The following ACOT2 variants were observed in gnomAD, a reference collection of about 807,000 sequenced individuals.
The protein encoded by ACOT2 is acyl-CoA thioesterase 2.
A neutral mutation model predicts 20.1 loss-of-function variants in ACOT2; 15 were observed. That is an observed-to-expected ratio of 0.75 (90% CI 0.50 to 1.15). The LOEUF (loss-of-function observed/expected upper bound fraction) is 1.15. ACOT2 is among the 50% of genes most tolerant of loss of function. The pLI, the probability that ACOT2 is intolerant of heterozygous loss-of-function variation, is 0.00. For missense variants in ACOT2, 479 were observed against 615.3 expected (o/e 0.78, Z 2.34); for synonymous variants, 252 against 268.4 (o/e 0.94, Z 0.60).
chr14:73,569,960 TTA>T (rs1889687415), intron 1 of ACOT2, 77 bp downstream of exon 1: 1 of 1,496,124 alleles, frequency 6.7e-7, no homozygotes, highest in East Asian at 2.5e-5. Context: ...CGCTTTTCGC[TTA>T]TGTGTATGCC....
chr14:73,569,550 A>G lies in ACOT2; in HGVS notation c.310A>G (p.Lys104Glu), dbSNP rs1218932131. Residue 104 changes from lysine (K) to glutamate (E), a missense_variant, in exon 1 of 3, where the codon AAG becomes GAG. By Grantham distance (56) the Lys-to-Glu change is moderately conservative. Coordinates refer to ENST00000238651, the MANE Select transcript of ACOT2 (RefSeq NM_006821.6). ...GCTGCGCGCGTCCCTGCGCGACGAG[A>G]AGGGCGCGCTTTTCCAGGCCCACGC... ...VTLRASLRDE[K>E]GALFQAHARY... is the part of the protein sequence containing the mutation. The G allele has an allele frequency of 2.5e-6, 4 of 1,604,040 alleles. No individual in the cohort carries two copies. The highest frequency in any genetic ancestry group is 3.4e-6 in the Non-Finnish European group (4 of 1,176,144).
chr14:73,569,712 C>A lies in ACOT2; in HGVS notation c.472C>A (p.Arg158Ser). The A allele has an allele frequency of 3.1e-6, 5 of 1,609,092 alleles. No homozygotes were observed. The highest frequency in any genetic ancestry group is 3.4e-6 in the Non-Finnish European group (4 of 1,178,794). ...PEKPLVRLVK[R>S]DVRTPLAVEL... ...GAAACCTTTGGTGCGGCTGGTGAAG[C>A]GCGACGTGCGAACGCCCTTGGCCGT... The change falls in exon 1 of 3, where the codon CGC (arginine) becomes AGC (serine). Residue 158 changes from arginine to serine, a missense_variant. Coordinates refer to ENST00000238651, the MANE Select transcript of ACOT2 (RefSeq NM_006821.6).
At chr14:73,568,060 C>T (rs1889636370), upstream of ACOT2, 1 of 152,222 alleles carries the variant, frequency 6.6e-6, no homozygotes, top group Admixed American at 6.6e-5. Context: ...CAATTCCAGA[C>T]ACAGAATTAT....
rs1338650408 is a variant in ACOT2 at position 73,569,599 on chromosome 14, G to A, written c.359G>A (p.Gly120Asp). 1 of 1,601,944 alleles carries A rather than the reference G, an allele frequency of 6.2e-7. No individual in the cohort carries two copies. The highest frequency in any genetic ancestry group is 8.5e-7 in the Non-Finnish European group (1 of 1,176,212). Residue 120 changes from glycine (G) to aspartate (D), a missense_variant, in exon 1 of 3, where the codon GGC (glycine) becomes GAC (aspartate). Transcript: ENST00000238651. ...AHARYRADTL[G>D]ELDLERAPAL... ...GCGCGCTACCGCGCCGACACTCTTGGCGAGCTGGACCTGGAGCGCGCGCCC... is the reference window on the plus strand; with the variant it reads ...GCGCGCTACCGCGCCGACACTCTTGACGAGCTGGACCTGGAGCGCGCGCCC...
chr14:73,573,861 G>C (rs1393136371), intron 2 of ACOT2, among the ~76,000 whole-genome samples: 2 of 151,770 alleles, frequency 1.3e-5, no homozygotes, highest in Non-Finnish European at 2.9e-5. Context: ...CGAGTAGTTG[G>C]GATTACAGGC....
At chr14:73,572,543 AAG>A (rs1194679267) in intron 1 of ACOT2, among the ~76,000 whole-genome samples, 2 of 151,060 alleles carry the variant, frequency 1.3e-5, no homozygotes, top group East Asian at 2.0e-4. Flanking sequence ...GGATACTGGA[AAG>A]AGAGGAAAGG....
rs1482057504 is a variant in ACOT2, at chr14:73,575,265, A to T, written c.1204A>T (p.Lys402Ter). 1.2e-6 allele frequency: 1 copy of T among 860,772 alleles called. No homozygotes were observed. The highest frequency in any genetic ancestry group is 2.9e-5 in the East Asian group (1 of 34,982). 53.3% of individuals were successfully genotyped at this position (860,772 alleles called of 1,614,324 possible). A position where few individuals can be genotyped will look rare whatever the true frequency, so the allele number is the denominator to read the frequency against. Residue 402 changes from lysine (K) to a stop codon, truncating the protein, a stop_gained, in exon 3 of 3, where the codon AAA (lysine) becomes TAA (stop). Transcript: ENST00000238651. LOFTEE classifies it low-confidence loss of function (END_TRUNC). ...KSEFYANEACKRLQAHGRRKP... is the reference protein window; with the variant it reads ...KSEFYANEAC The stretch of plus-strand genomic sequence containing the variant: ...TGAGTTCTATGCTAATGAGGCCTGT[A>T]AACGCTTGCAGGCCCATGGGAGGAG...
chr14:73,569,151 G>C, upstream of ACOT2: 1 of 1,480,328 alleles, frequency 6.8e-7, no homozygotes, highest in Non-Finnish European at 9.2e-7. Context: ...ATTTGGTCTG[G>C]CTGATCGGCT....
chr14:73,572,921 C>G (rs1889793540), intron 1 of ACOT2, among the ~76,000 whole-genome samples: 2 of 151,294 alleles, frequency 1.3e-5, no homozygotes, highest in South Asian at 2.1e-4. Context: ...GCTGGGGTTA[C>G]AGGCGTGAGC....
At chr14:73,573,925 CA>C (rs1296504254) in intron 2 of ACOT2, among the ~76,000 whole-genome samples, 1 of 152,170 alleles carries the variant, frequency 6.6e-6, no homozygotes, top group East Asian at 1.9e-4. Context: ...CGGGGTTTCA[CA>C]ATATTGGTCA....
upstream of ACOT2, among the ~76,000 whole-genome samples, chr14:73,568,416 A>G (rs1321984661): frequency 6.6e-6 from 1 of 151,550 alleles, no homozygotes. Context: ...AAAAAGCGCG[A>G]TGCATGGGGA....
chr14:73,574,755 G>C (rs1889844577), intron 2 of ACOT2, among the ~76,000 whole-genome samples, 153 bp from the exon 3 acceptor site: 1 of 152,246 alleles, frequency 6.6e-6, no homozygotes, highest in African/African-American at 2.4e-5. Flanking sequence ...GGAAGAGATA[G>C]AGGGGAGGTA....
At chr14:73,568,930 G>A (rs1889650861), upstream of ACOT2, 1 of 413,934 alleles carries the variant, frequency 2.4e-6, no homozygotes, top group Non-Finnish European at 4.4e-6. Context: ...TCAACAAAGT[G>A]ATCAAAACTA....
chr14:73,572,318 CATCT>C (rs1430242199), intron 1 of ACOT2, among the ~76,000 whole-genome samples: 7 of 151,554 alleles, frequency 4.6e-5, no homozygotes, highest in African/African-American at 1.5e-4. Context: ...CAAGAATCAA[CATCT>C]ATCAAGATAT....
intron 1 of ACOT2, among the ~76,000 whole-genome samples, 162 bp downstream of exon 1, chr14:73,570,045 C>T (rs1309801014): frequency 6.6e-6 from 1 of 151,698 alleles, no homozygotes; most frequent in Non-Finnish European, 1.5e-5. Context: ...CTTCCCGCCT[C>T]TGCCTCCCTA....
chr14:73,572,645 T>C (rs1376851569), intron 1 of ACOT2, among the ~76,000 whole-genome samples: 23,179 of 50,246 alleles, frequency 0.46, 3,881 homozygotes, highest in East Asian at 0.59. Context: ...TTGCATTTTT[T>C]TTTTTTTTTT....
chr14:73,571,035 C>G (rs1465630817), intron 1 of ACOT2: 7 of 147,548 alleles, frequency 4.7e-5, no homozygotes, highest in Non-Finnish European at 7.4e-5. Context: ...TCCATGGCAG[C>G]TAGGAGGTGC....
At chr14:73,573,222 A>G (rs1163026470) in intron 1 of ACOT2, among the ~76,000 whole-genome samples, 166 bp from the exon 2 acceptor site, 4 of 151,960 alleles carry the variant, frequency 2.6e-5, no homozygotes, top group Non-Finnish European at 5.9e-5. Context: ...AAGTCACTAT[A>G]AACACTTGCC....
At chr14:73,572,639 ATTTTTTTTTTTT>A (rs10565980) in intron 1 of ACOT2, among the ~76,000 whole-genome samples, 25 of 107,200 alleles carry the variant, frequency 2.3e-4, no homozygotes, top group East Asian at 1.6e-3. Context: ...AGGTGTTTGC[ATTTTTTTTTTTT>A]TTTTTTTTTT....
Sources: gnomAD v4.1 joint callset for allele counts (sites outside exome capture counted in the v4.1 genomes callset) on GRCh38, gnomAD v4.1.1 for gene constraint, MANE v1.5 for transcripts, NCBI Gene and HGNC (gene_info 2026-07-23, HGNC 2026-07-21) for gene names.